The following FBXW7 variants were observed in gnomAD, a reference collection of about 807,000 sequenced individuals.
FBXW7 encodes the protein F-box/WD repeat-containing protein 7.
FBXW7 carries 11 observed loss-of-function variants against 86.3 expected under a neutral mutation model. The observed-to-expected ratio is 0.13, with a 90% CI of 0.08 to 0.21. The LOEUF (loss-of-function observed/expected upper bound fraction) is 0.21, where lower values mean the gene tolerates loss of function less well. Ranked by LOEUF, FBXW7 falls within the 10% of genes least tolerant of loss-of-function variation. The pLI is 1.00. For missense variants in FBXW7, 488 were observed against 847.4 expected, an observed-to-expected ratio of 0.58 and a Z score of 5.27; for synonymous variants, 313 against 297.9, an observed-to-expected ratio of 1.05 and a Z score of -0.52.
intron 4 of FBXW7, among the ~76,000 whole-genome samples, chr4:152,372,302 T>C (rs1205813841): frequency 6.6e-6 from 1 of 151,946 alleles, no homozygotes; most frequent in African/African-American, 2.4e-5. Context: ...GTTCAGTTTT[T>C]TATGAGTGGG....
intron 4 of FBXW7, among the ~76,000 whole-genome samples, chr4:152,384,783 TAGG>T (rs887298377): frequency 1.3e-5 from 2 of 151,854 alleles, no homozygotes; most frequent in African/African-American, 4.8e-5. Flanking sequence ...GATCTAAGGT[TAGG>T]AGAGAGAAGA....
intron 2 of FBXW7, among the ~76,000 whole-genome samples, chr4:152,471,632 C>T (rs1202352158): frequency 6.6e-6 from 1 of 152,016 alleles, no homozygotes; most frequent in Non-Finnish European, 1.5e-5. Context: ...GGCGCAGTGG[C>T]TCACACCTGT....
At position 152,413,797 on chromosome 4, in the gene FBXW7, G is replaced by T. The variant is rs544054157; in HGVS notation, c.-119-1268C>A. On this transcript the variant is annotated intron_variant, in intron 2 of 13. Coordinates refer to ENST00000281708, the MANE Select transcript of FBXW7 (RefSeq NM_001349798.2). ...TAACCAATGACATTTCATCTTTTTT[G>T]ACCAGAACCCACAGTAAAATTATGT... 3.3e-5 allele frequency among the ~76,000 whole-genome samples: 5 copies of T among 152,022 alleles called. No individual in the cohort carries two copies. The South Asian group carries it at 6.2e-4, about 19-fold the overall frequency.
At chr4:152,324,527 A>T in intron 12 of FBXW7, 133 bp from the exon 13 acceptor site, 1 of 687,570 alleles carries the variant, frequency 1.5e-6, no homozygotes, top group Non-Finnish European at 2.5e-6. Flanking sequence ...GTACTAAGAT[A>T]AAGTGGCAAT....
intron 2 of FBXW7, among the ~76,000 whole-genome samples, chr4:152,506,224 C>G (rs931365332): frequency 1.3e-5 from 2 of 152,138 alleles, no homozygotes; most frequent in Non-Finnish European, 2.9e-5. Flanking sequence ...CTCTGCCTCC[C>G]AGGTTCCCGT....
intron 4 of FBXW7, among the ~76,000 whole-genome samples, chr4:152,383,551 TTC>T (rs1735275197): frequency 6.6e-6 from 1 of 152,162 alleles, no homozygotes; most frequent in Non-Finnish European, 1.5e-5. Context: ...CAATCAACTA[TTC>T]TCTCTTTCCA....
chr4:152,400,234 G>A lies in FBXW7; in HGVS notation c.501+11069C>T, dbSNP rs557144304. ...GTGCTGAACCACCGAACATCCACATGCAAATAAATGAATCTAAACAAAGGC... is the reference window on the plus strand; with the variant it reads ...GTGCTGAACCACCGAACATCCACATACAAATAAATGAATCTAAACAAAGGC... On this transcript the variant is annotated intron_variant, in intron 4 of 13. Coordinates refer to ENST00000281708, the MANE Select transcript of FBXW7 (RefSeq NM_001349798.2). Among the ~76,000 whole-genome samples, 74 of 152,266 alleles carry A rather than the reference G, an allele frequency of 4.9e-4. No individual in the cohort carries two copies. The South Asian group carries it at 6.2e-3, about 13-fold the overall frequency.
chr4:152,506,179 G>A (rs550078534), intron 2 of FBXW7, among the ~76,000 whole-genome samples: 3 of 151,148 alleles, frequency 2.0e-5, no homozygotes, highest in South Asian at 2.1e-4. Flanking sequence ...TCACCCAGGC[G>A]GGAGTGCGGT....
intron 2 of FBXW7, among the ~76,000 whole-genome samples, chr4:152,426,506 T>C (rs546545175): frequency 6.6e-6 from 1 of 152,226 alleles, no homozygotes; most frequent in South Asian, 2.1e-4. Flanking sequence ...CACGTCACCA[T>C]GCCCAGCTAG....
At chr4:152,500,578 T>C (rs1746845578) in intron 2 of FBXW7, among the ~76,000 whole-genome samples, 1 of 150,056 alleles carries the variant, frequency 6.7e-6, no homozygotes, top group Admixed American at 6.6e-5. Context: ...AGGTGCAGCA[T>C]GATATAGTCT....
intron 2 of FBXW7, among the ~76,000 whole-genome samples, chr4:152,451,243 TTAAC>T (rs1340566142): frequency 6.6e-6 from 1 of 152,266 alleles, no homozygotes; most frequent in Non-Finnish European, 1.5e-5. Context: ...ATTTCTTCAA[TTAAC>T]TAATGCATTT....
intron 2 of FBXW7, among the ~76,000 whole-genome samples, chr4:152,477,787 G>A (rs1012137291): frequency 6.6e-6 from 1 of 151,890 alleles, no homozygotes; most frequent in Admixed American, 6.6e-5. Flanking sequence ...ATTTCTATAG[G>A]GCCAAAAGCA....
At chr4:152,466,907 A>G (rs1028602297) in intron 2 of FBXW7, among the ~76,000 whole-genome samples, 8 of 152,152 alleles carry the variant, frequency 5.3e-5, no homozygotes, top group Admixed American at 3.3e-4. Context: ...GCGCCACTGC[A>G]CTCTGGCCTG....
intron 2 of FBXW7, among the ~76,000 whole-genome samples, chr4:152,417,578 A>G (rs1342010532): frequency 6.6e-6 from 1 of 152,128 alleles, no homozygotes; most frequent in Non-Finnish European, 1.5e-5. Context: ...TCTAAGAAGC[A>G]TGAGGAATAA....
intron 2 of FBXW7, among the ~76,000 whole-genome samples, chr4:152,469,337 G>A (rs1272102023): frequency 6.6e-6 from 1 of 151,976 alleles, no homozygotes; most frequent in South Asian, 2.1e-4. Context: ...TGTAGTTGAA[G>A]TAAAATACAT....
At position 152,322,387 on chromosome 4, in the gene FBXW7, T is replaced by C. The variant is rs1728626918; in HGVS notation, c.*494A>G. On this transcript the variant is annotated 3_prime_UTR_variant, in exon 14 of 14. Coordinates refer to ENST00000281708, the MANE Select transcript of FBXW7 (RefSeq NM_001349798.2). ...CAAAAACAATTCACAGTAATTTTTT[T>C]AAGCTTTTCCACTCCAGAAAAATGA... is the stretch of plus-strand genomic sequence containing the variant. 1 of 235,164 alleles carries C rather than the reference T, an allele frequency of 4.3e-6. No homozygotes were observed. The highest frequency in any genetic ancestry group is 2.2e-5 in the African/African-American group (1 of 45,418). 14.6% of individuals were successfully genotyped at this position (235,164 alleles called of 1,614,324 possible). A position where few individuals can be genotyped will look rare whatever the true frequency, so the allele number is the denominator to read the frequency against.
chr4:152,364,493 GTTCT>G (rs1182191480), intron 4 of FBXW7, among the ~76,000 whole-genome samples: 1 of 152,148 alleles, frequency 6.6e-6, no homozygotes, highest in Non-Finnish European at 1.5e-5. Context: ...TGCTTCAAAT[GTTCT>G]TTGTTGATTA....
chr4:152,535,910 T>C lies in FBXW7; in HGVS notation c.-996A>G. On this transcript the variant is annotated 5_prime_UTR_variant, in exon 1 of 14. Transcript: ENST00000281708. Reference sequence around the variant, plus strand: ...GGGGGGAAAGGAGTGCGGCCGCGGCTCCCGCTGGCCCAGGTGAGAGCGAAG... The same window carrying C: ...GGGGGGAAAGGAGTGCGGCCGCGGCCCCCGCTGGCCCAGGTGAGAGCGAAG... 2.9e-6 allele frequency: 1 copy of C among 344,504 alleles called. No individual in the cohort carries two copies. The highest frequency in any genetic ancestry group is 5.2e-6 in the Non-Finnish European group (1 of 191,204). 21.3% of individuals were successfully genotyped at this position (344,504 alleles called of 1,614,324 possible).
intron 4 of FBXW7, among the ~76,000 whole-genome samples, chr4:152,392,117 T>C (rs1170030057): frequency 7.2e-5 from 11 of 152,154 alleles, no homozygotes; most frequent in African/African-American, 9.7e-5. Context: ...TGAACTCTTA[T>C]AGCAAATTGT....
Sources: allele counts gnomAD v4.1 joint callset (sites outside exome capture counted in the v4.1 genomes callset), GRCh38; gene constraint gnomAD v4.1.1; transcripts MANE v1.5; gene names NCBI Gene and HGNC (gene_info 2026-07-23, HGNC 2026-07-21).